ITSN1: variants seen among roughly 807,000 people sequenced by gnomAD.
The protein encoded by ITSN1 is intersectin 1, also known as intersectin-1.
A neutral mutation model predicts 239.8 loss-of-function variants in ITSN1; 58 were observed. The observed-to-expected ratio is 0.24, with a 90% CI of 0.20 to 0.30. The LOEUF (loss-of-function observed/expected upper bound fraction) is 0.30, where lower values mean the gene tolerates loss of function less well. ITSN1 is among the 10% of genes least tolerant of loss of function. ITSN1 has a pLI of 1.00. For missense variants in ITSN1, 1,558 were observed against 2,103.3 expected (o/e 0.74, Z 5.07); for synonymous variants, 780 against 770.8 (o/e 1.01, Z -0.20).
At chr21:33,757,779 C>G (rs1344099169) in intron 8 of ITSN1, among the ~76,000 whole-genome samples, 1 of 151,968 alleles carries the variant, frequency 6.6e-6, no homozygotes, top group African/African-American at 2.4e-5. Context: ...ATAACATGGC[C>G]CAAAAGAAAT....
intron 31 of ITSN1, among the ~76,000 whole-genome samples, chr21:33,860,222 G>A (rs531832117): frequency 6.8e-4 from 103 of 150,806 alleles, no homozygotes; most frequent in African/African-American, 2.4e-3. Flanking sequence ...CAGAAGAATC[G>A]CTTGAACCCG....
At chr21:33,659,521 A>G (rs2089374039) in intron 1 of ITSN1, among the ~76,000 whole-genome samples, 1 of 152,104 alleles carries the variant, frequency 6.6e-6, no homozygotes, top group African/African-American at 2.4e-5. Flanking sequence ...CAGAATTGAA[A>G]TGAATGGTAG....
In ITSN1 at chr21:33,856,811, T is replaced by C. The variant is rs1231375373; in HGVS notation, c.3737T>C (p.Ile1246Thr). Reference sequence around the variant, plus strand: ...CGACAAGGATACATCCACGAGCTCATTGTCACCGAGGAGAACTATGTGAAT... The same window carrying C: ...CGACAAGGATACATCCACGAGCTCACTGTCACCGAGGAGAACTATGTGAAT... ...RKRQGYIHEL[I>T]VTEENYVNDL... The change falls in exon 30 of 40, where the codon ATT becomes ACT. Residue 1246 changes from isoleucine to threonine, a missense_variant. Around this residue, in one of 2 missense-constraint regions of ITSN1, gnomAD observed 576 missense variants for 893.3 expected, o/e 0.64. Transcript: ENST00000381318. 2.5e-6 allele frequency: 4 copies of C among 1,614,114 alleles called. No homozygotes were observed. The highest frequency in any genetic ancestry group is 3.4e-6 in the Non-Finnish European group (4 of 1,180,016).
chr21:33,720,583 T>C (rs755520568), intron 2 of ITSN1, among the ~76,000 whole-genome samples: 6 of 152,140 alleles, frequency 3.9e-5, no homozygotes, highest in Non-Finnish European at 8.8e-5. Context: ...TTAAGTCTGT[T>C]TCCTGCATAC....
intron 1 of ITSN1, among the ~76,000 whole-genome samples, chr21:33,670,870 A>C (rs2090228854): frequency 6.6e-6 from 1 of 152,228 alleles, no homozygotes; most frequent in South Asian, 2.1e-4. Context: ...TTCAAATATC[A>C]AGAAGGGCAT....
intron 28 of ITSN1, among the ~76,000 whole-genome samples, chr21:33,835,759 C>T (rs1465435035): frequency 1.3e-5 from 2 of 152,024 alleles, no homozygotes; most frequent in Non-Finnish European, 2.9e-5. Context: ...GGTGAAACCC[C>T]GTCTCTACTA....
intron 1 of ITSN1, among the ~76,000 whole-genome samples, chr21:33,700,075 T>TG (rs1555878205): frequency 5.3e-5 from 8 of 151,126 alleles, no homozygotes; most frequent in African/African-American, 1.7e-4. Flanking sequence ...TTGTTTTTTT[T>TG]TTGTTGTTGT....
chr21:33,723,767 T>G lies in ITSN1; in HGVS notation c.185+1116T>G, dbSNP rs569165085. Among the ~76,000 whole-genome samples the G allele has an allele frequency of 2.0e-5, 3 of 152,258 alleles. No homozygotes were observed. The South Asian group carries it at 6.2e-4, about 32-fold the overall frequency. ...AGGAATGGTTATAGTTTTGTGAGAG[T>G]TGTTGAGAGGATTCCAGAAAAACCA... On this transcript the variant is annotated intron_variant, in intron 4 of 39. Coordinates refer to ENST00000381318, the MANE Select transcript of ITSN1 (RefSeq NM_003024.3).
At position 33,663,409 on chromosome 21, in the gene ITSN1, G is replaced by A. The variant is rs185290095; in HGVS notation, c.-33+20696G>A. ...TGGGCCGTTAGGCATAGCTTTGCTG[G>A]CAACTGTAACCTTTTATGATTGCAG... On this transcript the variant is annotated intron_variant, in intron 1 of 39. Transcript: ENST00000381318. Among the ~76,000 whole-genome samples the A allele has an allele frequency of 1.6e-3, 249 of 152,336 alleles. 1 individual carries two copies. The highest frequency in any genetic ancestry group is 5.6e-3 in the African/African-American group (234 of 41,576).
At chr21:33,829,595 G>A (rs1202020139) in intron 26 of ITSN1, 29 bp from the exon 27 acceptor site, 1 of 1,611,206 alleles carries the variant, frequency 6.2e-7, no homozygotes. Context: ...TCTTAACAGT[G>A]CACTGCCGTG....
intron 4 of ITSN1, among the ~76,000 whole-genome samples, chr21:33,733,924 A>G (rs2066341117): frequency 6.6e-6 from 1 of 152,096 alleles, no homozygotes; most frequent in African/African-American, 2.4e-5. Flanking sequence ...TCTTTGTCTT[A>G]TGCCATACTT....
At position 33,882,544 on chromosome 21, in the gene ITSN1, T is replaced by C; in HGVS notation, c.4554+89T>C. The C allele has an allele frequency of 8.9e-7, 1 of 1,123,944 alleles. No homozygotes were observed. Among genetic ancestry groups the C allele is most frequent in the Non-Finnish European group, 1.3e-6 (1 of 779,784 alleles). The allele number at this position is 1,123,944 out of a possible 1,614,324, so 69.6% of individuals were successfully genotyped here. A position where few individuals can be genotyped will look rare whatever the true frequency, so the allele number is the denominator to read the frequency against. On this transcript the variant is annotated intron_variant, in intron 35 of 39. Transcript: ENST00000381318. The surrounding 1 kb of genome is among the most constrained non-coding windows in gnomAD (Gnocchi z 4.5). Reference sequence around the variant, plus strand: ...AAAAGGAGGTAGAGTTTTAGCAGGGTCAGGGGCTGTGGCATGCAGGAGAAG... The same window carrying C: ...AAAAGGAGGTAGAGTTTTAGCAGGGCCAGGGGCTGTGGCATGCAGGAGAAG...
rs551347084 is a variant in ITSN1 at position 33,765,288 on chromosome 21, C to A, written c.789-587C>A. 3.9e-5 allele frequency among the ~76,000 whole-genome samples: 6 copies of A among 152,276 alleles called. No homozygotes were observed. The South Asian group carries it at 1.2e-3, about 32-fold the overall frequency. ...AGCGATTTGATAGGCTCACTTGAGG[C>A]CAGGACAGATCAGCCTGGGCAACAC... is the stretch of plus-strand genomic sequence containing the variant. On this transcript the variant is annotated intron_variant, in intron 9 of 39. Transcript: ENST00000381318.
chr21:33,800,731 T>C (rs2071926494), intron 19 of ITSN1, among the ~76,000 whole-genome samples: 1 of 152,140 alleles, frequency 6.6e-6, no homozygotes, highest in African/African-American at 2.4e-5. Flanking sequence ...AGTTCCTTGT[T>C]CTAGTTACTC....
chr21:33,841,622 G>A (rs1236949809), intron 29 of ITSN1, among the ~76,000 whole-genome samples: 3 of 152,178 alleles, frequency 2.0e-5, no homozygotes, highest in African/African-American at 4.8e-5. Context: ...ACCAGGGACC[G>A]TTGTCTGAGC....
At chr21:33,841,129 C>G (rs953149206) in intron 29 of ITSN1, among the ~76,000 whole-genome samples, 1 of 152,310 alleles carries the variant, frequency 6.6e-6, no homozygotes, top group South Asian at 2.1e-4. Context: ...CACAAAATAT[C>G]TAACCATTAC....
intron 5 of ITSN1, among the ~76,000 whole-genome samples, chr21:33,738,326 G>T (rs747039994): frequency 6.6e-6 from 1 of 152,118 alleles, no homozygotes; most frequent in Non-Finnish European, 1.5e-5. Flanking sequence ...ATAAATGAGG[G>T]AACTGAGATT....
chr21:33,767,858 A>C, intron 11 of ITSN1, 30 bp downstream of exon 11: 4 of 1,215,884 alleles, frequency 3.3e-6, no homozygotes, highest in Non-Finnish European at 4.8e-6. Flanking sequence ...GAGTTAAATC[A>C]TTTAGATTAA....
intron 20 of ITSN1, among the ~76,000 whole-genome samples, chr21:33,807,759 G>T (rs1447360016): frequency 6.6e-6 from 1 of 152,208 alleles, no homozygotes; most frequent in African/African-American, 2.4e-5. Flanking sequence ...GTCGATCAAG[G>T]GATCCACTTG....
Sources: allele counts gnomAD v4.1 joint callset (sites outside exome capture counted in the v4.1 genomes callset), GRCh38; gene constraint gnomAD v4.1.1; regional missense constraint gnomAD v4.1.1; non-coding constraint Gnocchi (gnomAD v3.1); transcripts MANE v1.5; gene names NCBI Gene and HGNC (gene_info 2026-07-23, HGNC 2026-07-21).